Variants in CACNB2 observed in about 807,000 individuals in gnomAD.
The protein encoded by CACNB2 is voltage-dependent L-type calcium channel subunit beta-2.
In CACNB2, 42 loss-of-function variants were observed where a neutral mutation model predicts 73.3. That is an observed-to-expected ratio of 0.57 (90% confidence interval 0.45 to 0.74). CACNB2 has a LOEUF of 0.74. Among genes scored for constraint, CACNB2 ranks in the 30% least tolerant of loss-of-function variants. CACNB2 has a pLI of 0.00. For synonymous variants in CACNB2, 348 were observed against 310.3 expected (o/e 1.12, Z -1.28); for missense variants, 940 against 853.0 (o/e 1.10, Z -1.27).
intron 2 of CACNB2, among the ~76,000 whole-genome samples, chr10:18,390,443 A>T (rs1337394214): frequency 6.6e-6 from 1 of 152,040 alleles, no homozygotes; most frequent in Non-Finnish European, 1.5e-5. Flanking sequence ...CGAACACCTG[A>T]CCTTGTGATC....
In CACNB2 at chr10:18,485,601, G is replaced by A. The variant is rs1420681924; in HGVS notation, c.334-12754G>A. Among the ~76,000 whole-genome samples, 15 of 134,440 alleles carry A rather than the reference G, an allele frequency of 1.1e-4. No homozygotes were observed. In the South Asian group the frequency reaches 1.2e-3, roughly 10 times the overall value. The allele number at this position is 134,440 out of a possible 152,430, so 88.2% of individuals were successfully genotyped here. The stretch of plus-strand genomic sequence containing the variant: ...TTCTGAGATGGAGCCTCATTGTGTC[G>A]CCCAGGCTGGAGTGCAGTGGAACAA... On this transcript the variant is annotated intron_variant, in intron 3 of 13. Coordinates refer to ENST00000324631, the MANE Select transcript of CACNB2 (RefSeq NM_201596.3).
chr10:18,521,058 G>T (rs1468325504), intron 9 of CACNB2, among the ~76,000 whole-genome samples: 1 of 152,228 alleles, frequency 6.6e-6, no homozygotes, highest in East Asian at 1.9e-4. Context: ...GCAGTGGCCA[G>T]ATGAATTTTG....
intron 3 of CACNB2, among the ~76,000 whole-genome samples, chr10:18,480,521 G>T (rs1198943467): frequency 2.0e-5 from 3 of 152,216 alleles, no homozygotes; most frequent in African/African-American, 7.2e-5. Flanking sequence ...CAAAATCTCT[G>T]TCTTGTTGAG....
At chr10:18,458,977 C>T (rs934638150) in intron 3 of CACNB2, among the ~76,000 whole-genome samples, 1 of 151,976 alleles carries the variant, frequency 6.6e-6, no homozygotes, top group Admixed American at 6.6e-5. Flanking sequence ...GTTGGCCAGG[C>T]TGGTCTTGAA....
chr10:18,305,747 G>A (rs1433993687), intron 2 of CACNB2, among the ~76,000 whole-genome samples: 2 of 152,258 alleles, frequency 1.3e-5, no homozygotes, highest in East Asian at 3.9e-4. Context: ...GAACCCATCT[G>A]GAAGCCAGGT....
chr10:18,453,552 G>C (rs143881369), intron 3 of CACNB2, among the ~76,000 whole-genome samples: 2 of 152,174 alleles, frequency 1.3e-5, no homozygotes, highest in Non-Finnish European at 2.9e-5. Flanking sequence ...ACTGCCGCTC[G>C]TATCACCCTG....
chr10:18,531,632 G>A (rs573672945), intron 10 of CACNB2, among the ~76,000 whole-genome samples: 1 of 152,142 alleles, frequency 6.6e-6, no homozygotes, highest in Non-Finnish European at 1.5e-5. Context: ...CCCATCAACA[G>A]TGTATAAGCG....
At chr10:18,532,318 CAT>C (rs2053112275) in intron 10 of CACNB2, among the ~76,000 whole-genome samples, 1 of 151,984 alleles carries the variant, frequency 6.6e-6, no homozygotes. Context: ...AATATATTGA[CAT>C]AATATAAATA....
At chr10:18,262,615 A>G (rs1391920244) in intron 2 of CACNB2, among the ~76,000 whole-genome samples, 1 of 152,212 alleles carries the variant, frequency 6.6e-6, no homozygotes. Context: ...CAAACTTTTT[A>G]GAGTATAAGA....
At position 18,527,703 on chromosome 10, in the gene CACNB2, T is replaced by G; in HGVS notation, c.1054+6T>G. ...CAACACAAGGTCAAGCTTAGGTAAG[T>G]CTGTGCAATGAGCTTAAGCTTTTTA... On this transcript the variant is annotated splice_donor_region_variant and intron_variant, in intron 10 of 13. Coordinates refer to ENST00000324631, the MANE Select transcript of CACNB2 (RefSeq NM_201596.3). 1 of 1,572,500 alleles carries G rather than the reference T, an allele frequency of 6.4e-7. No individual in the cohort carries two copies.
intron 3 of CACNB2, among the ~76,000 whole-genome samples, chr10:18,443,020 A>ATATATATATGTATATATATATATG (rs2046547185): frequency 9.3e-6 from 1 of 107,086 alleles, no homozygotes; most frequent in Non-Finnish European, 1.8e-5. Context: ...ATATGTATAT[A>ATATATATATGTATATATATATATG]TATATATATA....
intron 2 of CACNB2, among the ~76,000 whole-genome samples, chr10:18,168,136 C>A (rs1236759787): frequency 6.6e-6 from 1 of 152,120 alleles, no homozygotes; most frequent in Admixed American, 6.6e-5. Context: ...CAAAAGCAAA[C>A]ACTGCTGGAC....
intron 2 of CACNB2, among the ~76,000 whole-genome samples, chr10:18,169,206 AT>A (rs2033069984): frequency 6.6e-6 from 1 of 151,990 alleles, no homozygotes; most frequent in Non-Finnish European, 1.5e-5. Flanking sequence ...TTTAAAAAAA[AT>A]AAGTTTAATT....
chr10:18,384,778 A>C (rs1344169850), intron 2 of CACNB2, among the ~76,000 whole-genome samples: 1 of 151,366 alleles, frequency 6.6e-6, no homozygotes, highest in Non-Finnish European at 1.5e-5. Flanking sequence ...AAAACCAAAA[A>C]TAAAGTAATA....
chr10:18,462,417 G>A (rs1338362539), intron 3 of CACNB2, among the ~76,000 whole-genome samples: 1 of 152,010 alleles, frequency 6.6e-6, no homozygotes, highest in African/African-American at 2.4e-5. Context: ...CCATGCCCAG[G>A]TAATTTTTGT....
At chr10:18,372,685 A>T (rs565009992) in intron 2 of CACNB2, among the ~76,000 whole-genome samples, 23 of 152,100 alleles carry the variant, frequency 1.5e-4, no homozygotes, top group Middle Eastern at 3.4e-3. Context: ...GGGATTACAG[A>T]TATGAGCCAC....
intron 3 of CACNB2, among the ~76,000 whole-genome samples, chr10:18,408,717 T>A (rs973618069): frequency 1.3e-5 from 2 of 152,234 alleles, no homozygotes; most frequent in Non-Finnish European, 2.9e-5. Context: ...ATTCTTTCTC[T>A]TGCTGGATCA....
chr10:18,442,339 T>G (rs1187980052), intron 3 of CACNB2, among the ~76,000 whole-genome samples: 1 of 151,732 alleles, frequency 6.6e-6, no homozygotes, highest in African/African-American at 2.4e-5. Context: ...TTAGTAGAGA[T>G]GGGTTTCACC....
At chr10:18,483,531 CA>C (rs58945993) in intron 3 of CACNB2, among the ~76,000 whole-genome samples, 6,960 of 115,096 alleles carry the variant, frequency 0.06, 274 homozygotes, top group African/African-American at 0.15. Context: ...AACTCTGTCT[CA>C]AAAAAAAAAA....
Sources: allele counts gnomAD v4.1 joint callset (sites outside exome capture counted in the v4.1 genomes callset), GRCh38; gene constraint gnomAD v4.1.1; transcripts MANE v1.5; gene names NCBI Gene and HGNC (gene_info 2026-07-23, HGNC 2026-07-21).